Variants in IARS1 observed in about 807,000 individuals in gnomAD.
IARS1 encodes the protein isoleucyl-tRNA synthetase 1.
A neutral mutation model predicts 168.2 loss-of-function variants in IARS1; 124 were observed. That is an observed-to-expected ratio of 0.74 (90% confidence interval 0.64 to 0.86). The LOEUF (loss-of-function observed/expected upper bound fraction) is 0.86, where lower values mean the gene tolerates loss of function less well. Among genes scored for constraint, IARS1 ranks in the 40% least tolerant of loss-of-function variants. The pLI is 0.00. For synonymous variants in IARS1, 532 were observed against 529.4 expected (o/e 1.00, Z -0.07); for missense variants, 1,452 against 1,515.8 (o/e 0.96, Z 0.70).
At chr9:92,242,057 G>A (rs758645836) in intron 29 of IARS1, 97 bp downstream of exon 29, 14 of 906,630 alleles carry the variant, frequency 1.5e-5, no homozygotes, top group African/African-American at 3.3e-5. Flanking sequence ...GTGCTGTGCC[G>A]ATCTCTACTG....
rs1835754706 is a variant in IARS1, at chr9:92,288,195, T to C, written c.207A>G (p.Thr69=). ...GAAACCCACTCTGGTGAGCATATCT[T>C]GTAACTATATCTTTAATTGTACCCG... ...ILAGTIKDIV[T]RYAHQSGFHV... The change falls in exon 3 of 34, where the codon ACA becomes ACG. Residue 69 remains threonine (T), a synonymous_variant. Coordinates refer to ENST00000443024, the MANE Select transcript of IARS1 (RefSeq NM_002161.6). The C allele has an allele frequency of 5.0e-6, 8 of 1,614,058 alleles. No individual in the cohort carries two copies. The highest frequency in any genetic ancestry group is 6.8e-6 in the Non-Finnish European group (8 of 1,179,932).
At chr9:92,214,977 A>G (rs989789798) in intron 33 of IARS1, among the ~76,000 whole-genome samples, 152 of 152,304 alleles carry the variant, frequency 1.0e-3, no homozygotes, top group Non-Finnish European at 8.4e-4. Context: ...CAGGGCACAG[A>G]CAAACAAAAA....
intron 1 of IARS1, among the ~76,000 whole-genome samples, chr9:92,290,075 G>A (rs1044630886): frequency 6.6e-6 from 1 of 152,156 alleles, no homozygotes; most frequent in African/African-American, 2.4e-5. Context: ...TTTGTAGCTA[G>A]AAGTAGAATT....
intron 1 of IARS1, 122 bp downstream of exon 1, chr9:92,293,489 C>T (rs1836730955): frequency 1.9e-6 from 1 of 529,998 alleles, no homozygotes; most frequent in African/African-American, 1.9e-5. Flanking sequence ...AACGAACGAA[C>T]GGCAAGCCCC....
intron 10 of IARS1, 37 bp downstream of exon 10, chr9:92,274,389 C>T: frequency 6.6e-7 from 1 of 1,506,690 alleles, no homozygotes; most frequent in African/African-American, 1.4e-5. Context: ...TGGCTACCGA[C>T]ATACTCAAAT....
chr9:92,218,551 T>C (rs1400399376), intron 33 of IARS1, among the ~76,000 whole-genome samples: 2 of 110,400 alleles, frequency 1.8e-5, no homozygotes, highest in African/African-American at 4.8e-5. Context: ...AAAATCTCCT[T>C]AAGCTGATAA....
chr9:92,219,331 G>A (rs904152532), intron 33 of IARS1, among the ~76,000 whole-genome samples: 12 of 151,790 alleles, frequency 7.9e-5, no homozygotes, highest in African/African-American at 2.9e-4. Flanking sequence ...GAAAACCTAG[G>A]CATTACCATT....
chr9:92,242,893 C>T, intron 28 of IARS1: 1 of 288,164 alleles, frequency 3.5e-6, no homozygotes, highest in Non-Finnish European at 6.7e-6. Flanking sequence ...ATGCTGACTG[C>T]ACCTCTGCCC....
intron 30 of IARS1, among the ~76,000 whole-genome samples, chr9:92,231,165 T>C (rs766779911): frequency 4.7e-4 from 71 of 152,208 alleles, no homozygotes; most frequent in Non-Finnish European, 7.8e-4. Flanking sequence ...AATGTTTAAA[T>C]GAAAAATCTT....
In IARS1 at chr9:92,266,521, C is replaced by T. The variant is rs1408245374; in HGVS notation, c.1432-968G>A. On this transcript the variant is annotated intron_variant, in intron 14 of 33. Transcript: ENST00000443024. ...CAACTGTAACACAATGGTAAATGCT[C>T]TAGTTTTCATATGGTTTGTCCCCAG... Among the ~76,000 whole-genome samples, 3 of 152,184 alleles carry T rather than the reference C, an allele frequency of 2.0e-5. No individual in the cohort carries two copies. The East Asian group carries it at 5.8e-4, about 29-fold the overall frequency.
Position 92,287,837 on chromosome 9 carries a change from T to C in IARS1, c.350A>G (p.Asn117Ser), listed in dbSNP as rs1232753187. Residue 117 changes from asparagine to serine, a missense_variant, in exon 4 of 34, where the codon AAC (asparagine) becomes AGC (serine). Physicochemically the swap from Asn to Ser is conservative, Grantham distance 46. Transcript: ENST00000443024. ...CATCACAATTGCTCGGCACTGATTG[T>C]TATACTCTGTAATCCCCATTTTGGC... The part of the protein sequence containing the change: ...DVAKMGITEY[N>S]NQCRAIVMRY... 3.1e-6 allele frequency: 5 copies of C among 1,613,890 alleles called. No homozygotes were observed. The highest frequency in any genetic ancestry group is 2.2e-5 in the East Asian group (1 of 44,880).
At chr9:92,276,226 T>C (rs1043859885) in intron 9 of IARS1, among the ~76,000 whole-genome samples, 4 of 152,190 alleles carry the variant, frequency 2.6e-5, no homozygotes, top group Admixed American at 2.0e-4. Context: ...ACCTGAAGGG[T>C]GAGTTAACTC....
chr9:92,215,928 A>G (rs1838600180), intron 33 of IARS1, among the ~76,000 whole-genome samples: 1 of 151,736 alleles, frequency 6.6e-6, no homozygotes, highest in South Asian at 2.1e-4. Flanking sequence ...AGAACGCCAC[A>G]AAGATACTCC....
intron 4 of IARS1, 123 bp downstream of exon 4, chr9:92,287,668 G>T: frequency 9.4e-7 from 1 of 1,060,350 alleles, no homozygotes; most frequent in Non-Finnish European, 1.3e-6. Flanking sequence ...GTTGAAGGTG[G>T]AAGCTAACAC....
Position 92,242,320 on chromosome 9 carries a change from A to G in IARS1, c.3011T>C (p.Val1004Ala), listed in dbSNP as rs758825266. The G allele has an allele frequency of 4.3e-6, 7 of 1,610,044 alleles. No individual in the cohort carries two copies. Among genetic ancestry groups the G allele is most frequent in the Non-Finnish European group, 5.9e-6 (7 of 1,178,784 alleles). ...GTACACTGTGATTTCATCAGTTGGA[A>G]CCAGATTGCACTGAAAACACACACA... ...IQKLRKKCNL[V>A]PTDEITVYYK... is the part of the protein sequence containing the mutation. The change falls in exon 29 of 34, where the codon GTT becomes GCT. Residue 1004 changes from valine (V) to alanine (A), a missense_variant. Coordinates refer to ENST00000443024, the MANE Select transcript of IARS1 (RefSeq NM_002161.6).
Position 92,265,462 on chromosome 9 carries a change from G to C in IARS1, c.1505+18C>G, listed in dbSNP as rs758421882. On this transcript the variant is annotated intron_variant, in intron 15 of 33. Transcript: ENST00000443024. ...GAGAATCGTAAAACTGAAGTGAATC[G>C]AACATTTAGAAACTGACCTCTCTCT... 3.7e-6 allele frequency: 6 copies of C among 1,607,196 alleles called. No homozygotes were observed. The Admixed American group carries it at 6.7e-5, about 18-fold the overall frequency.
chr9:92,249,868 T>C lies in IARS1; in HGVS notation c.2606A>G (p.Tyr869Cys), dbSNP rs779214663. 1.2e-5 allele frequency: 19 copies of C among 1,575,204 alleles called. No individual in the cohort carries two copies. In the South Asian group the frequency reaches 1.9e-4, roughly 16 times the overall value. Reference protein sequence around the residue: ...ALKDIKSLEKYIIEELNVRKV... With the variant: ...ALKDIKSLEKCIIEELNVRKV... The stretch of plus-strand genomic sequence containing the variant: ...AATCATCTACCTTACCTCAATGATA[T>C]ACTTCTCCAAAGACTTGATATCTTT... Residue 869 changes from tyrosine (Y) to cysteine (C), a missense_variant, in exon 25 of 34, where the codon TAT becomes TGT. Transcript: ENST00000443024.
At position 92,256,719 on chromosome 9, in the gene IARS1, T is replaced by G; in HGVS notation, c.2098A>C (p.Met700Leu). The change falls in exon 20 of 34, where the codon ATG (methionine) becomes CTG (leucine). Residue 700 changes from methionine to leucine, a missense_variant. By Grantham distance (15) the Met-to-Leu change is conservative. Transcript: ENST00000443024. ...TCAAAGAAGCCAATGAGAGACTGCA[T>G]GAAGGACAGGATCCACCGGTCTGTA... ...NITDRWILSFMQSLIGFFETE... is the reference protein window; with the variant it reads ...NITDRWILSFLQSLIGFFETE... The G allele has an allele frequency of 6.2e-7, 1 of 1,613,940 alleles. No homozygotes were observed. Among genetic ancestry groups the G allele is most frequent in the Non-Finnish European group, 8.5e-7 (1 of 1,179,856 alleles).
chr9:92,283,231 A>G (rs967029189), intron 6 of IARS1, among the ~76,000 whole-genome samples: 38 of 152,238 alleles, frequency 2.5e-4, no homozygotes, highest in African/African-American at 8.4e-4. Flanking sequence ...TGTTTCATAC[A>G]GTGGGTGAGT....
Sources: allele counts gnomAD v4.1 joint callset (sites outside exome capture counted in the v4.1 genomes callset), GRCh38; gene constraint gnomAD v4.1.1; transcripts MANE v1.5; gene names NCBI Gene and HGNC (gene_info 2026-07-23, HGNC 2026-07-21).